SOX6: variants seen among roughly 807,000 people sequenced by gnomAD.
SOX6 encodes the protein transcription factor SOX-6.
Under a neutral mutation model 97.8 loss-of-function variants are expected in SOX6, and 11 were observed. The observed-to-expected ratio is 0.11, with a 90% CI of 0.07 to 0.19. The LOEUF is 0.19. Ranked by LOEUF, SOX6 falls within the 10% of genes least tolerant of loss-of-function variation. The pLI is 1.00. For missense variants in SOX6, 810 were observed against 1,039.5 expected (o/e 0.78, Z 3.04); for synonymous variants, 360 against 371.4 (o/e 0.97, Z 0.35).
chr11:16,669,128 A>G (rs1257976238), intron 3 of SOX6, among the ~76,000 whole-genome samples: 1 of 152,232 alleles, frequency 6.6e-6, no homozygotes, highest in Non-Finnish European at 1.5e-5. Flanking sequence ...AGGATAGACC[A>G]TATATATGTT....
intron 1 of SOX6, among the ~76,000 whole-genome samples, chr11:16,446,736 T>C (rs187806556): frequency 2.0e-5 from 3 of 152,302 alleles, no homozygotes; most frequent in African/African-American, 2.4e-5. Flanking sequence ...TGCTAAAATA[T>C]ACTGGCCTGT....
chr11:16,410,966 G>A (rs1169472910), intron 1 of SOX6, among the ~76,000 whole-genome samples: 1 of 150,888 alleles, frequency 6.6e-6, no homozygotes, highest in Non-Finnish European at 1.5e-5. Context: ...CTTAGGGTAG[G>A]GGAGATAGTG....
At chr11:16,641,394 T>C (rs1297370853) in intron 3 of SOX6, among the ~76,000 whole-genome samples, 5 of 152,162 alleles carry the variant, frequency 3.3e-5, no homozygotes, top group Non-Finnish European at 7.3e-5. Context: ...TGATTTGGGG[T>C]GGAGAGTTCT....
chr11:16,707,084 C>T (rs1848143471), intron 3 of SOX6, among the ~76,000 whole-genome samples: 1 of 151,936 alleles, frequency 6.6e-6, no homozygotes. Flanking sequence ...TAGTTATAAC[C>T]CAGTTCTTTA....
At position 16,292,101 on chromosome 11, in the gene SOX6, T is replaced by C. The variant is rs1039660300; in HGVS notation, c.445+26345A>G. Among the ~76,000 whole-genome samples the C allele has an allele frequency of 4.6e-5, 7 of 152,258 alleles. No homozygotes were observed. In the East Asian group the frequency reaches 1.4e-3, roughly 29 times the overall value. On this transcript the variant is annotated intron_variant, in intron 3 of 15. Coordinates refer to ENST00000683767, the MANE Select transcript of SOX6 (RefSeq NM_001367873.1). ...TATTATGAGTGTAACAGAGATTTAA[T>C]AGCCCATTCAAACAAGATTAGTGAA...
chr11:16,351,614 T>C (rs1856949057), intron 1 of SOX6, among the ~76,000 whole-genome samples: 1 of 152,012 alleles, frequency 6.6e-6, no homozygotes, highest in Non-Finnish European at 1.5e-5. Flanking sequence ...CTTTATACAT[T>C]TATCTTCACC....
At chr11:16,635,832 G>A (rs1269054057) in intron 3 of SOX6, among the ~76,000 whole-genome samples, 1 of 152,236 alleles carries the variant, frequency 6.6e-6, no homozygotes, top group Non-Finnish European at 1.5e-5. Flanking sequence ...TTCAGAGCAT[G>A]CAAGCCCCAA....
chr11:16,356,495 G>C lies in SOX6; in HGVS notation c.-406C>G, dbSNP rs1257276765. Among the ~76,000 whole-genome samples the C allele has an allele frequency of 6.6e-6, 1 of 152,106 alleles. No homozygotes were observed. The highest frequency in any genetic ancestry group is 1.5e-5 in the Non-Finnish European group (1 of 68,002). On this transcript the variant is annotated 5_prime_UTR_variant, in exon 1 of 16. Transcript: ENST00000683767. The stretch of plus-strand genomic sequence containing the variant: ...AGCCATCATCCAATAGAGCCTATTT[G>C]CTGAGCAACAGTGGAGCTTTGTGGT...
chr11:16,070,726 C>A (rs1334036657), intron 9 of SOX6, among the ~76,000 whole-genome samples: 1 of 151,864 alleles, frequency 6.6e-6, no homozygotes, highest in African/African-American at 2.4e-5. Flanking sequence ...CTGGGCTCAA[C>A]GCAGAGCCAG....
intron 1 of SOX6, among the ~76,000 whole-genome samples, chr11:16,433,631 T>G (rs1450952218): frequency 2.0e-5 from 3 of 152,026 alleles, no homozygotes; most frequent in East Asian, 1.9e-4. Context: ...AATTTTGGGG[T>G]TTTTGTTATG....
intron 4 of SOX6, among the ~76,000 whole-genome samples, chr11:16,567,746 T>TTTG (rs1554975174): frequency 2.7e-5 from 4 of 149,020 alleles, no homozygotes; most frequent in Non-Finnish European, 6.0e-5. Context: ...TTTTTTTTTT[T>TTTG]TTGTATTTTT....
intron 4 of SOX6, among the ~76,000 whole-genome samples, chr11:16,577,873 G>T (rs567205262): frequency 1.3e-5 from 2 of 152,028 alleles, no homozygotes; most frequent in East Asian, 3.9e-4. Context: ...CCACTCCATG[G>T]GTTGTCTTTT....
intron 4 of SOX6, among the ~76,000 whole-genome samples, chr11:16,508,305 A>G (rs958651275): frequency 6.6e-6 from 1 of 152,122 alleles, no homozygotes; most frequent in Admixed American, 6.6e-5. Context: ...GAGTTCTCAA[A>G]AAGCAAAAAA....
intron 1 of SOX6, among the ~76,000 whole-genome samples, chr11:16,366,551 T>A (rs1857362844): frequency 6.6e-6 from 1 of 152,258 alleles, no homozygotes; most frequent in South Asian, 2.1e-4. Context: ...AGAACAAAGA[T>A]ATAAACCCAG....
At chr11:16,685,882 T>C (rs573477189) in intron 3 of SOX6, among the ~76,000 whole-genome samples, 1 of 152,392 alleles carries the variant, frequency 6.6e-6, no homozygotes, top group South Asian at 2.1e-4. Context: ...TGGTGGAGGC[T>C]GCCAAGCCTT....
chr11:16,349,229 T>C (rs796708969), intron 1 of SOX6, among the ~76,000 whole-genome samples: 27 of 152,334 alleles, frequency 1.8e-4, no homozygotes, highest in African/African-American at 6.3e-4. Context: ...ATTTATATCA[T>C]TCCTTCTAAT....
At chr11:16,658,477 G>A (rs924107559) in intron 3 of SOX6, among the ~76,000 whole-genome samples, 2 of 152,094 alleles carry the variant, frequency 1.3e-5, no homozygotes, top group African/African-American at 4.8e-5. Flanking sequence ...GGGAGGCCAA[G>A]GCAGGCAGAT....
chr11:16,473,875 A>G (rs1477700531), intron 1 of SOX6, among the ~76,000 whole-genome samples: 1 of 152,222 alleles, frequency 6.6e-6, no homozygotes, highest in African/African-American at 2.4e-5. Context: ...GTTACATACA[A>G]TGCTGTTTGA....
chr11:16,172,668 T>A (rs1329530277), intron 6 of SOX6, among the ~76,000 whole-genome samples: 1 of 152,004 alleles, frequency 6.6e-6, no homozygotes, highest in Non-Finnish European at 1.5e-5. Context: ...AGTAACAGAG[T>A]CAATTCCTGT....
Sources: gnomAD v4.1 joint callset for allele counts (sites outside exome capture counted in the v4.1 genomes callset) on GRCh38, gnomAD v4.1.1 for gene constraint, MANE v1.5 for transcripts, NCBI Gene and HGNC (gene_info 2026-07-23, HGNC 2026-07-21) for gene names.